Variants in PTDSS1 observed in about 807,000 individuals in gnomAD.
The protein encoded by PTDSS1 is PSS-1.
Under a neutral mutation model 70.5 loss-of-function variants are expected in PTDSS1, and 45 were observed. That is an observed-to-expected ratio of 0.64 (90% confidence interval 0.50 to 0.82). PTDSS1 has a LOEUF of 0.82. PTDSS1 is among the 40% of genes least tolerant of loss of function. The pLI is 0.00. For missense variants in PTDSS1, 417 were observed against 586.1 expected, an observed-to-expected ratio of 0.71 and a Z score of 2.98; for synonymous variants, 188 against 203.8, an observed-to-expected ratio of 0.92 and a Z score of 0.66.
intron 4 of PTDSS1, 89 bp downstream of exon 4, chr8:96,287,235 T>G (rs1810836279): frequency 3.3e-6 from 5 of 1,505,414 alleles, no homozygotes; most frequent in Non-Finnish European, 4.5e-6. Flanking sequence ...AAATTGTTCC[T>G]TCTCTGTATT....
Position 96,330,976 on chromosome 8 carries a change from C to T in PTDSS1, c.1243-50C>T, listed in dbSNP as rs772021403. The T allele has an allele frequency of 6.6e-6, 10 of 1,522,696 alleles. No homozygotes were observed. The East Asian group carries it at 1.8e-4, about 27-fold the overall frequency. 94.3% of individuals were successfully genotyped at this position (1,522,696 alleles called of 1,614,324 possible). A position where few individuals can be genotyped will look rare whatever the true frequency, so the allele number is the denominator to read the frequency against. On this transcript the variant is annotated intron_variant, in intron 11 of 12. Coordinates refer to ENST00000517309, the MANE Select transcript of PTDSS1 (RefSeq NM_014754.3). ...TGCTCGCCTTTTTGCCCTGCCACTT[C>T]TCCCAGGGAGTTCCTAAAATTCCTG... is the stretch of plus-strand genomic sequence containing the variant.
intron 4 of PTDSS1, among the ~76,000 whole-genome samples, chr8:96,291,901 T>G (rs1404090015): frequency 6.6e-6 from 1 of 152,138 alleles, no homozygotes; most frequent in Non-Finnish European, 1.5e-5. Flanking sequence ...CTTTTTATAA[T>G]GTTAAGATTG....
chr8:96,308,377 G>A (rs34787287), intron 8 of PTDSS1, among the ~76,000 whole-genome samples: 10,495 of 152,252 alleles, frequency 0.069, 405 homozygotes, highest in Non-Finnish European at 0.077. Context: ...GGGGTGAGAC[G>A]ACAGTAGTTT....
chr8:96,292,414 A>G (rs1310865527), intron 4 of PTDSS1, among the ~76,000 whole-genome samples: 1 of 152,198 alleles, frequency 6.6e-6, no homozygotes, highest in Non-Finnish European at 1.5e-5. Flanking sequence ...CATAGATTCA[A>G]GGAAGCACGA....
chr8:96,263,437 CTTAA>C (rs1162890824), intron 1 of PTDSS1, among the ~76,000 whole-genome samples: 1 of 152,172 alleles, frequency 6.6e-6, no homozygotes, highest in Non-Finnish European at 1.5e-5. Context: ...GCTGTGTGTC[CTTAA>C]TTAAGTTGCA....
At chr8:96,272,759 A>G (rs1810584409) in intron 1 of PTDSS1, among the ~76,000 whole-genome samples, 1 of 152,224 alleles carries the variant, frequency 6.6e-6, no homozygotes. Context: ...CACACAGTAG[A>G]TAGATAAATG....
chr8:96,306,472 A>G lies in PTDSS1; in HGVS notation c.923A>G (p.Lys308Arg). The G allele has an allele frequency of 1.9e-6, 3 of 1,614,126 alleles. No individual in the cohort carries two copies. The East Asian group carries it at 6.7e-5, about 36-fold the overall frequency. ...QLTELNTFFL[K>R]HIFVFQASHP... ...ACTGAGTTGAATACCTTCTTCTTGAAGCATATCTTTGTGTTCCAAGCCAGT... is the reference window on the plus strand; with the variant it reads ...ACTGAGTTGAATACCTTCTTCTTGAGGCATATCTTTGTGTTCCAAGCCAGT... The change falls in exon 8 of 13, where the codon AAG (lysine) becomes AGG (arginine). Residue 308 changes from lysine to arginine, a missense_variant. Around this residue, in one of 3 missense-constraint regions of PTDSS1, gnomAD observed 272 missense variants for 429.5 expected, o/e 0.63. Transcript: ENST00000517309.
At chr8:96,299,949 A>C in intron 6 of PTDSS1, 104 bp downstream of exon 6, 2 of 1,353,158 alleles carry the variant, frequency 1.5e-6, no homozygotes, top group Non-Finnish European at 1.0e-6. Context: ...ATAAGGAATA[A>C]ATTCCATGTT....
At chr8:96,319,458 TA>T (rs1811343992) in intron 9 of PTDSS1, among the ~76,000 whole-genome samples, 2 of 151,582 alleles carry the variant, frequency 1.3e-5, no homozygotes, top group African/African-American at 4.8e-5. Flanking sequence ...TGACTTTTTT[TA>T]ATGTTTTAAA....
intron 4 of PTDSS1, among the ~76,000 whole-genome samples, chr8:96,293,437 G>T (rs1810934151): frequency 6.6e-6 from 1 of 152,252 alleles, no homozygotes; most frequent in Non-Finnish European, 1.5e-5. Context: ...TCACAGGCAT[G>T]CACCTGTCCA....
At chr8:96,303,895 T>C in intron 6 of PTDSS1, 145 bp from the exon 7 acceptor site, 1 of 920,906 alleles carries the variant, frequency 1.1e-6, no homozygotes, top group Non-Finnish European at 1.6e-6. Context: ...TAGAGAGACC[T>C]TTGAGACACA....
At chr8:96,275,613 G>T (rs1810629860) in intron 2 of PTDSS1, among the ~76,000 whole-genome samples, 1 of 152,186 alleles carries the variant, frequency 6.6e-6, no homozygotes, top group Non-Finnish European at 1.5e-5. Flanking sequence ...GCCAGCCAAG[G>T]GTGGGTTCCC....
At chr8:96,310,470 C>CT (rs34660364) in intron 9 of PTDSS1, among the ~76,000 whole-genome samples, 1,500 of 142,632 alleles carry the variant, frequency 0.011, 9 homozygotes, top group African/African-American at 0.024. Flanking sequence ...CCTTGGCTCT[C>CT]TTTTTTTTTT....
chr8:96,317,235 C>T (rs751464532), intron 9 of PTDSS1, among the ~76,000 whole-genome samples: 22 of 151,900 alleles, frequency 1.4e-4, no homozygotes, highest in Non-Finnish European at 3.2e-4. Flanking sequence ...TGATTCCTGG[C>T]CCTTCCTTGT....
chr8:96,266,788 C>A (rs1810493555), intron 1 of PTDSS1, among the ~76,000 whole-genome samples: 1 of 152,140 alleles, frequency 6.6e-6, no homozygotes, highest in Non-Finnish European at 1.5e-5. Flanking sequence ...ATTTCTTTTC[C>A]CTGGTTACCA....
chr8:96,301,761 C>G (rs1461097521), intron 6 of PTDSS1, among the ~76,000 whole-genome samples: 1 of 151,948 alleles, frequency 6.6e-6, no homozygotes, highest in Non-Finnish European at 1.5e-5. Context: ...GGTGATCCGC[C>G]CGCCTCAGCC....
chr8:96,336,187 T>TA lies in PTDSS1; in HGVS notation c.*2622dup, dbSNP rs1811591834. 1 of 152,046 alleles carries TA rather than the reference T, an allele frequency of 6.6e-6. No homozygotes were observed. The highest frequency in any genetic ancestry group is 1.5e-5 in the Non-Finnish European group (1 of 68,050). 9.4% of individuals were successfully genotyped at this position (152,046 alleles called of 1,614,324 possible). A position where few individuals can be genotyped will look rare whatever the true frequency, so the allele number is the denominator to read the frequency against. ...CAAGACATCCTATCAATGCCAGTCT[T>TA]ATTTTCGCTAGGACTCTGCTTCCAC... On this transcript the variant is annotated 3_prime_UTR_variant, in exon 13 of 13. Transcript: ENST00000517309.
chr8:96,293,530 G>A (rs1810935402), intron 4 of PTDSS1, among the ~76,000 whole-genome samples: 4 of 152,254 alleles, frequency 2.6e-5, no homozygotes, highest in Admixed American at 2.6e-4. Context: ...CTGCCTGCAT[G>A]CAGCTCTCTG....
In PTDSS1 at chr8:96,261,939, C is replaced by T. The variant is rs569060519; in HGVS notation, c.-102C>T. 3.6e-4 allele frequency: 458 copies of T among 1,282,184 alleles called. 8 individuals are homozygous for T. The South Asian group carries it at 6.3e-3, about 18-fold the overall frequency. The allele number at this position is 1,282,184 out of a possible 1,614,324, so 79.4% of individuals were successfully genotyped here. A position where few individuals can be genotyped will look rare whatever the true frequency, so the allele number is the denominator to read the frequency against. ...AGCCTTTGCTGGGCGCCAGACCCGGCTTTGCCGTCCGGCTATTAGCCTACT... is the reference window on the plus strand; with the variant it reads ...AGCCTTTGCTGGGCGCCAGACCCGGTTTTGCCGTCCGGCTATTAGCCTACT... On this transcript the variant is annotated 5_prime_UTR_variant, in exon 1 of 13. Transcript: ENST00000517309.
Sources: gnomAD v4.1 joint callset for allele counts (sites outside exome capture counted in the v4.1 genomes callset) on GRCh38, gnomAD v4.1.1 for gene constraint, gnomAD v4.1.1 regional missense constraint, MANE v1.5 for transcripts, NCBI Gene and HGNC (gene_info 2026-07-23, HGNC 2026-07-21) for gene names.